The following CYRIA variants were observed in gnomAD, a reference collection of about 807,000 sequenced individuals.
CYRIA encodes the protein CYFIP related Rac1 interactor A.
A neutral mutation model predicts 43.9 loss-of-function variants in CYRIA; 15 were observed. The observed-to-expected ratio is 0.34, with a 90% CI of 0.23 to 0.53. The LOEUF is 0.53. Ranked by LOEUF, CYRIA falls within the 20% of genes least tolerant of loss-of-function variation. The probability of loss-of-function intolerance (pLI) is 0.94; values close to 1 mark genes in which losing one functional copy is unlikely to be tolerated. For missense variants in CYRIA, 236 were observed against 394.2 expected (o/e 0.60, Z 3.40); for synonymous variants, 117 against 136.0 (o/e 0.86, Z 0.97).
chr2:16,600,153 C>T (rs898923466), intron 2 of CYRIA, among the ~76,000 whole-genome samples: 8 of 152,210 alleles, frequency 5.3e-5, no homozygotes, highest in Admixed American at 1.3e-4. Flanking sequence ...GAAAACCCAA[C>T]CAAAGTGGTT....
Position 16,653,868 on chromosome 2 carries a change from C to A in CYRIA, c.-167+11912G>T, listed in dbSNP as rs559662440. 3.6e-4 allele frequency among the ~76,000 whole-genome samples: 55 copies of A among 152,336 alleles called. 1 individual carries two copies. The highest frequency in any genetic ancestry group is 1.2e-3 in the African/African-American group (50 of 41,580). The stretch of plus-strand genomic sequence containing the variant: ...CCTGCGTAAATCACATTACCATTTT[C>A]TCTTCTGTAATACGAAGCTAACGCA... On this transcript the variant is annotated intron_variant, in intron 1 of 11. Coordinates refer to ENST00000381323, the MANE Select transcript of CYRIA (RefSeq NM_030797.4).
chr2:16,639,417 C>T (rs1392964597), intron 1 of CYRIA, among the ~76,000 whole-genome samples: 1 of 152,220 alleles, frequency 6.6e-6, no homozygotes, highest in Non-Finnish European at 1.5e-5. Context: ...ACACGATGGG[C>T]ACAGAAATGC....
At chr2:16,655,820 T>C (rs915643158) in intron 1 of CYRIA, among the ~76,000 whole-genome samples, 2 of 152,214 alleles carry the variant, frequency 1.3e-5, no homozygotes, top group East Asian at 3.8e-4. Context: ...CTTATTTTTA[T>C]TTCTAAAGTC....
intron 1 of CYRIA, among the ~76,000 whole-genome samples, chr2:16,640,562 G>C (rs1669645518): frequency 6.6e-6 from 1 of 152,212 alleles, no homozygotes; most frequent in Admixed American, 6.5e-5. Flanking sequence ...AGCCCCATCT[G>C]GTTGCTTGGC....
At chr2:16,624,369 AT>A (rs1415097807) in intron 1 of CYRIA, among the ~76,000 whole-genome samples, 2 of 151,950 alleles carry the variant, frequency 1.3e-5, no homozygotes, top group African/African-American at 4.8e-5. Context: ...TTTATTTTTT[AT>A]TTTTTGTTTA....
chr2:16,606,976 A>G (rs1220775686), intron 2 of CYRIA, among the ~76,000 whole-genome samples: 1 of 152,208 alleles, frequency 6.6e-6, no homozygotes, highest in Non-Finnish European at 1.5e-5. Flanking sequence ...AAAAAATCCA[A>G]TAAAAGCCAT....
In CYRIA at chr2:16,571,908, T is replaced by C. The variant is rs111469595; in HGVS notation, c.71-6141A>G. 4.6e-3 allele frequency among the ~76,000 whole-genome samples: 698 copies of C among 152,294 alleles called. 7 individuals carry two copies. The highest frequency in any genetic ancestry group is 0.016 in the African/African-American group (671 of 41,558). Reference sequence around the variant, plus strand: ...GTGATTTATAGCACAATACTAACTGTTTATGAAAACAGAATAAAATGGAAA... The same window carrying C: ...GTGATTTATAGCACAATACTAACTGCTTATGAAAACAGAATAAAATGGAAA... On this transcript the variant is annotated intron_variant, in intron 3 of 11. Transcript: ENST00000381323.
intron 2 of CYRIA, among the ~76,000 whole-genome samples, chr2:16,600,926 C>T (rs999335172): frequency 2.0e-5 from 3 of 152,182 alleles, no homozygotes; most frequent in Non-Finnish European, 4.4e-5. Flanking sequence ...GACATTGAAA[C>T]TCTGTGAATC....
At chr2:16,592,233 T>C (rs894990086) in intron 2 of CYRIA, among the ~76,000 whole-genome samples, 2 of 152,124 alleles carry the variant, frequency 1.3e-5, no homozygotes, top group African/African-American at 4.8e-5. Context: ...AATTTAAAAA[T>C]ATCTGAAATT....
chr2:16,607,608 T>A (rs974418176), intron 2 of CYRIA, among the ~76,000 whole-genome samples: 3 of 152,134 alleles, frequency 2.0e-5, no homozygotes, highest in African/African-American at 7.2e-5. Flanking sequence ...TTCTTTTTTT[T>A]AGATGGAGTC....
chr2:16,629,583 C>A (rs1669265689), intron 1 of CYRIA, among the ~76,000 whole-genome samples: 1 of 152,176 alleles, frequency 6.6e-6, no homozygotes, highest in Non-Finnish European at 1.5e-5. Flanking sequence ...TTTTCAGAGG[C>A]CCCAGAGAAG....
intron 1 of CYRIA, 36 bp from the exon 2 acceptor site, chr2:16,624,055 G>A (rs1476344107): frequency 6.6e-6 from 1 of 152,232 alleles, no homozygotes; most frequent in Non-Finnish European, 1.5e-5. Flanking sequence ...ACTGTGAGAA[G>A]CAATTTCCTA....
rs201425312 is a variant in CYRIA at position 16,608,367 on chromosome 2, GCA to G, written c.-11+15495_-11+15496del. On this transcript the variant is annotated intron_variant, in intron 2 of 11. Transcript: ENST00000381323. ...TGAAAACTGGCTTTCTCAGAAAAAT[GCA>G]CACATGCAGACTGATACACTTTCAG... Among the ~76,000 whole-genome samples, 79 of 152,308 alleles carry G rather than the reference GCA, an allele frequency of 5.2e-4. 1 individual carries two copies. The East Asian group carries it at 0.01, about 20-fold the overall frequency.
intron 3 of CYRIA, among the ~76,000 whole-genome samples, chr2:16,573,504 A>G (rs1375355775): frequency 6.6e-6 from 1 of 152,242 alleles, no homozygotes; most frequent in Non-Finnish European, 1.5e-5. Context: ...ATGAGATAAT[A>G]GGAAAATCAA....
In CYRIA at chr2:16,559,585, C is replaced by A. The variant is rs1235978952; in HGVS notation, c.712G>T (p.Glu238Ter). ...TCACTCGTAAACCTACTTCTGTACT[C>A]CCTGCAAGAGAAGAAACAGCAGTGG... is the stretch of plus-strand genomic sequence containing the variant. ...SVCKVMLETP[E>*]YRSRFTSEET... The change falls in exon 10 of 12, where the codon GAG becomes TAG. Residue 238 changes from glutamate (E) to a stop codon, truncating the protein, a stop_gained and splice_region_variant. Coordinates refer to ENST00000381323, the MANE Select transcript of CYRIA (RefSeq NM_030797.4). LOFTEE classifies it high-confidence loss of function. 2.5e-6 allele frequency: 4 copies of A among 1,611,544 alleles called. No individual in the cohort carries two copies. Among genetic ancestry groups the A allele is most frequent in the Admixed American group, 1.7e-5 (1 of 59,814 alleles).
intron 2 of CYRIA, among the ~76,000 whole-genome samples, chr2:16,621,964 C>T (rs1023256677): frequency 2.0e-5 from 3 of 152,146 alleles, no homozygotes; most frequent in African/African-American, 7.2e-5. Context: ...GTATCCCTAG[C>T]ACCAAGATAG....
chr2:16,622,934 C>T (rs1669043918), intron 2 of CYRIA: 1 of 152,214 alleles, frequency 6.6e-6, no homozygotes, highest in Non-Finnish European at 1.5e-5. Context: ...ATCACCTGGT[C>T]TTACCTTCTG....
At chr2:16,631,506 T>G (rs76992186) in intron 1 of CYRIA, among the ~76,000 whole-genome samples, 225 of 152,280 alleles carry the variant, frequency 1.5e-3, no homozygotes, top group Middle Eastern at 3.4e-3. Context: ...CCCAAATGCT[T>G]TAGTAAGCAT....
intron 1 of CYRIA, among the ~76,000 whole-genome samples, chr2:16,628,160 T>TAAC (rs1390019746): frequency 8.8e-6 from 1 of 113,790 alleles, no homozygotes; most frequent in Non-Finnish European, 2.0e-5. Context: ...AGCCCTAGAA[T>TAAC]AATAACAACA....
Sources: gnomAD v4.1 joint callset for allele counts (sites outside exome capture counted in the v4.1 genomes callset) on GRCh38, gnomAD v4.1.1 for gene constraint, MANE v1.5 for transcripts, NCBI Gene and HGNC (gene_info 2026-07-23, HGNC 2026-07-21) for gene names.